The following SOBP variants were observed in gnomAD, a reference collection of about 807,000 sequenced individuals.
The protein encoded by SOBP is sine oculis binding protein homolog.
SOBP carries 4 observed loss-of-function variants against 53.6 expected under a neutral mutation model. The observed-to-expected ratio is 0.07, with a 90% CI of 0.04 to 0.17. SOBP has a LOEUF of 0.17. Ranked by LOEUF, SOBP falls within the 10% of genes least tolerant of loss-of-function variation. SOBP has a pLI of 1.00. For synonymous variants in SOBP, 584 were observed against 522.6 expected, an observed-to-expected ratio of 1.12 and a Z score of -1.60; for missense variants, 1,088 against 1,204.7, an observed-to-expected ratio of 0.90 and a Z score of 1.43.
At chr6:107,619,135 T>A (rs1475481859) in intron 5 of SOBP, among the ~76,000 whole-genome samples, 1 of 152,126 alleles carries the variant, frequency 6.6e-6, no homozygotes. Context: ...GGTAATTGCA[T>A]CCTGAACCCT....
rs557538520 is a variant in SOBP at position 107,518,050 on chromosome 6, A to C, written c.421+11623A>C. ...AATAAAAAAAGAAAAAATCTTTCCAAAGAATGAAAAAGCAAATCACTGAGT... is the reference window on the plus strand; with the variant it reads ...AATAAAAAAAGAAAAAATCTTTCCACAGAATGAAAAAGCAAATCACTGAGT... On this transcript the variant is annotated intron_variant, in intron 3 of 6. Transcript: ENST00000317357. 2.0e-5 allele frequency among the ~76,000 whole-genome samples: 3 copies of C among 152,328 alleles called. No homozygotes were observed. In the South Asian group the frequency reaches 6.2e-4, roughly 32 times the overall value.
chr6:107,593,677 T>G (rs760326494), intron 5 of SOBP, among the ~76,000 whole-genome samples: 2 of 152,214 alleles, frequency 1.3e-5, no homozygotes, highest in Non-Finnish European at 2.9e-5. Flanking sequence ...AATGAGATCA[T>G]GTATATGAAG....
intron 1 of SOBP, among the ~76,000 whole-genome samples, chr6:107,493,622 A>AT (rs113421493): frequency 1.3e-4 from 20 of 152,018 alleles, no homozygotes; most frequent in African/African-American, 4.1e-4. Context: ...TGTGTATGTG[A>AT]TTTTTTTTCC....
At chr6:107,500,548 ATC>A (rs1432603896) in intron 1 of SOBP, among the ~76,000 whole-genome samples, 3 of 151,722 alleles carry the variant, frequency 2.0e-5, no homozygotes, top group Non-Finnish European at 2.9e-5. Context: ...TTGAGAAGGA[ATC>A]TCTCTCTGTC....
At chr6:107,657,873 A>G (rs1031529404) in intron 6 of SOBP, among the ~76,000 whole-genome samples, 7 of 151,114 alleles carry the variant, frequency 4.6e-5, no homozygotes, top group African/African-American at 1.5e-4. Context: ...CTGGTTAAGC[A>G]TGCAGTCATG....
chr6:107,499,081 T>C (rs914928420), intron 1 of SOBP, among the ~76,000 whole-genome samples: 1 of 152,206 alleles, frequency 6.6e-6, no homozygotes, highest in Non-Finnish European at 1.5e-5. Flanking sequence ...AGAAATCTCT[T>C]TATATATGAT....
At chr6:107,579,793 G>A (rs1323255001) in intron 4 of SOBP, among the ~76,000 whole-genome samples, 3 of 152,176 alleles carry the variant, frequency 2.0e-5, no homozygotes, top group African/African-American at 7.2e-5. Flanking sequence ...CAAATTGGAT[G>A]TTAAAAATTT....
chr6:107,547,738 A>G (rs1056158741), intron 4 of SOBP, among the ~76,000 whole-genome samples: 3 of 152,226 alleles, frequency 2.0e-5, no homozygotes, highest in South Asian at 2.1e-4. Context: ...GGTTTAATAC[A>G]TAGTACATAC....
intron 1 of SOBP, among the ~76,000 whole-genome samples, chr6:107,502,046 G>A (rs1383605239): frequency 6.6e-6 from 1 of 152,154 alleles, no homozygotes; most frequent in South Asian, 2.1e-4. Context: ...CAGAGCTTAC[G>A]TGGGTACTAA....
At position 107,503,809 on chromosome 6, in the gene SOBP, A is replaced by G. The variant is rs1364767866; in HGVS notation, c.235+14A>G. 2 of 1,613,616 alleles carry G rather than the reference A, an allele frequency of 1.2e-6. No individual in the cohort carries two copies. The highest frequency in any genetic ancestry group is 1.1e-5 in the South Asian group (1 of 91,086). ...CTGTTCTCAAAGGTAATGACATTTA[A>G]TGTCCTTTTGTTCATGCAAAGAAGG... On this transcript the variant is annotated intron_variant, in intron 2 of 6. Transcript: ENST00000317357.
intron 3 of SOBP, among the ~76,000 whole-genome samples, chr6:107,531,782 A>G (rs1047634302): frequency 2.0e-5 from 3 of 152,330 alleles, no homozygotes; most frequent in South Asian, 2.1e-4. Context: ...GTCATTTTTT[A>G]TACTATCTCA....
chr6:107,548,990 G>A (rs536997225), intron 4 of SOBP, among the ~76,000 whole-genome samples: 4 of 152,052 alleles, frequency 2.6e-5, no homozygotes, highest in South Asian at 2.1e-4. Context: ...TAAACCGGCC[G>A]GGCGCAGTGG....
At chr6:107,526,561 T>C (rs1310957558) in intron 3 of SOBP, among the ~76,000 whole-genome samples, 1 of 152,186 alleles carries the variant, frequency 6.6e-6, no homozygotes, top group Non-Finnish European at 1.5e-5. Context: ...CTGGAATGGC[T>C]CTCACAACTG....
intron 5 of SOBP, among the ~76,000 whole-genome samples, chr6:107,595,691 A>C (rs1484354060): frequency 2.6e-5 from 4 of 152,188 alleles, no homozygotes; most frequent in African/African-American, 9.7e-5. Context: ...ATATTCAGTC[A>C]TGTGCTTAGT....
chr6:107,504,087 A>C (rs1293296785), intron 2 of SOBP, among the ~76,000 whole-genome samples: 1 of 152,236 alleles, frequency 6.6e-6, no homozygotes, highest in Non-Finnish European at 1.5e-5. Flanking sequence ...GAAAGGGACA[A>C]TGTTTGCTAA....
At chr6:107,613,797 T>C (rs1287971017) in intron 5 of SOBP, among the ~76,000 whole-genome samples, 1 of 152,306 alleles carries the variant, frequency 6.6e-6, no homozygotes, top group East Asian at 1.9e-4. Context: ...TTATACTGGC[T>C]TCTAGAAGCT....
At chr6:107,593,289 G>A (rs1450011022) in intron 5 of SOBP, among the ~76,000 whole-genome samples, 4 of 152,224 alleles carry the variant, frequency 2.6e-5, no homozygotes, top group Admixed American at 6.5e-5. Context: ...CTTCTGCTCT[G>A]ATATAGGGGC....
intron 4 of SOBP, among the ~76,000 whole-genome samples, chr6:107,578,653 AC>A (rs1785312577): frequency 6.6e-6 from 1 of 152,232 alleles, no homozygotes; most frequent in Non-Finnish European, 1.5e-5. Flanking sequence ...ATGAGTTGAT[AC>A]ATATAAAGCA....
At chr6:107,655,939 T>A (rs1048330166) in intron 6 of SOBP, among the ~76,000 whole-genome samples, 5 of 152,194 alleles carry the variant, frequency 3.3e-5, no homozygotes, top group African/African-American at 1.2e-4. Flanking sequence ...CATCCCTAAG[T>A]AAGCAATTCA....
Sources: gnomAD v4.1 joint callset for allele counts (sites outside exome capture counted in the v4.1 genomes callset) on GRCh38, gnomAD v4.1.1 for gene constraint, MANE v1.5 for transcripts, NCBI Gene and HGNC (gene_info 2026-07-23, HGNC 2026-07-21) for gene names.